CELF2: variants seen among roughly 807,000 people sequenced by gnomAD.
CELF2 encodes CUGBP Elav-like family member 2, also known as CUG triplet repeat RNA-binding protein 2.
A neutral mutation model predicts 62.6 loss-of-function variants in CELF2; 8 were observed. The ratio of observed to expected loss-of-function variants is 0.13; its 90% CI spans 0.07 to 0.23. CELF2 has a LOEUF of 0.23. Ranked by LOEUF, CELF2 falls within the 10% of genes least tolerant of loss-of-function variation. The pLI is 1.00. For missense variants in CELF2, 333 were observed against 671.0 expected (o/e 0.50, Z 5.56); for synonymous variants, 258 against 250.0 (o/e 1.03, Z -0.30).
intron 2 of CELF2, among the ~76,000 whole-genome samples, chr10:10,937,235 G>A (rs1010830824): frequency 4.8e-5 from 7 of 146,458 alleles, no homozygotes; most frequent in Non-Finnish European, 8.9e-5. Flanking sequence ...AGGTTCAAGC[G>A]ATTCTTCTGC....
At chr10:10,825,866 G>A (rs1165623084) in intron 1 of CELF2, among the ~76,000 whole-genome samples, 1 of 152,160 alleles carries the variant, frequency 6.6e-6, no homozygotes, top group Admixed American at 6.5e-5. Context: ...ATTAAAAGAT[G>A]CTTGTGAAGC....
At chr10:11,124,912 G>A (rs1267140571) in intron 1 of CELF2, among the ~76,000 whole-genome samples, 1 of 152,130 alleles carries the variant, frequency 6.6e-6, no homozygotes, top group Non-Finnish European at 1.5e-5. Context: ...TCTTCTTACA[G>A]ACCAGGATGG....
At chr10:10,715,745 A>G in the CELF2 span, among the ~76,000 whole-genome samples, 2 of 152,178 alleles carry the variant, frequency 1.3e-5, no homozygotes, top group Admixed American at 1.3e-4. Flanking sequence ...TCTGCTTGCC[A>G]TATAGGGTTG....
the CELF2 span, among the ~76,000 whole-genome samples, chr10:10,628,242 C>T: frequency 9.2e-5 from 14 of 151,804 alleles, no homozygotes; most frequent in Non-Finnish European, 2.1e-4. Flanking sequence ...AAACAGTAAA[C>T]CCTGAAAGGC....
chr10:11,049,300 T>G (rs922118054), intron 1 of CELF2, among the ~76,000 whole-genome samples: 8 of 152,014 alleles, frequency 5.3e-5, no homozygotes, highest in African/African-American at 1.9e-4. Flanking sequence ...AAATTGACTT[T>G]TAGTAATATT....
chr10:11,320,859 C>A, intron 10 of CELF2: 1 of 1,543,248 alleles, frequency 6.5e-7, no homozygotes, highest in Non-Finnish European at 8.7e-7. Context: ...CTCCTAAGCT[C>A]CCAGAAGCAA....
At position 11,305,311 on chromosome 10, in the gene CELF2, A is replaced by C. The variant is rs2094117804; in HGVS notation, c.977-8828A>C. ...CTTCCTCCACAACTGCTGTATCCCT[A>C]AGTGGCAAAGGCCATTGGCCTCCTT... On this transcript the variant is annotated intron_variant, in intron 9 of 12. Transcript: ENST00000633077. The surrounding 1 kb of genome is among the most constrained non-coding windows in gnomAD (Gnocchi z 4.8). Among the ~76,000 whole-genome samples the C allele has an allele frequency of 6.6e-6, 1 of 152,226 alleles. No homozygotes were observed. The highest frequency in any genetic ancestry group is 2.4e-5 in the African/African-American group (1 of 41,468).
At chr10:11,121,329 G>T (rs925917079) in intron 1 of CELF2, among the ~76,000 whole-genome samples, 2 of 152,180 alleles carry the variant, frequency 1.3e-5, no homozygotes, top group African/African-American at 2.4e-5. Context: ...GTCTTTGTAG[G>T]TCTGGACTGT....
the CELF2 span, among the ~76,000 whole-genome samples, chr10:10,572,078 C>T: frequency 6.6e-6 from 1 of 152,120 alleles, no homozygotes; most frequent in East Asian, 1.9e-4. Flanking sequence ...TTCTGTTTTA[C>T]ACCTAATTAA....
rs544849176 is a variant in CELF2, at chr10:11,216,916, T to C, written c.272-509T>C. On this transcript the variant is annotated intron_variant, in intron 2 of 12. Coordinates refer to ENST00000633077, the MANE Select transcript of CELF2 (RefSeq NM_001326342.2). ...AGGGTCATATGTACAGAACTTTACA[T>C]CATGTAATGTGGTGGAGATAAAGAA... Among the ~76,000 whole-genome samples, 21 of 152,340 alleles carry C rather than the reference T, an allele frequency of 1.4e-4. 1 individual carries two copies. The highest frequency in any genetic ancestry group is 1.4e-3 in the Admixed American group (21 of 15,310).
rs1554936316 is a variant in CELF2 at position 11,197,025 on chromosome 10, A to AAGG, written c.272-20399_272-20398insGGA. Among the ~76,000 whole-genome samples, 8 of 26,122 alleles carry AAGG rather than the reference A, an allele frequency of 3.1e-4. 1 individual carries two copies. Among genetic ancestry groups the AAGG allele is most frequent in the African/African-American group, 5.3e-4 (3 of 5,636 alleles). The allele number at this position is 26,122 out of a possible 152,430, so 17.1% of individuals were successfully genotyped here. On this transcript the variant is annotated intron_variant, in intron 2 of 12. Coordinates refer to ENST00000633077, the MANE Select transcript of CELF2 (RefSeq NM_001326342.2). ...AGGAGAAAGAAAGAAAGAAAGAAAG[A>AAGG]AAAGAAAGAAAGAAAGAAAGAAAGA...
the CELF2 span, among the ~76,000 whole-genome samples, chr10:10,776,842 T>C: frequency 2.6e-5 from 4 of 152,344 alleles, no homozygotes; most frequent in South Asian, 2.1e-4. Flanking sequence ...ATTTTCCCCA[T>C]TGGCCAGCGG....
At chr10:11,057,259 G>A (rs955171244) in intron 1 of CELF2, among the ~76,000 whole-genome samples, 2 of 149,646 alleles carry the variant, frequency 1.3e-5, no homozygotes, top group South Asian at 2.2e-4. Flanking sequence ...CTGTGAGAGC[G>A]ATGCCTGGGC....
intron 1 of CELF2, among the ~76,000 whole-genome samples, chr10:10,903,232 A>G (rs1404748935): frequency 6.6e-6 from 1 of 152,190 alleles, no homozygotes; most frequent in East Asian, 1.9e-4. Context: ...TGTCCCTGCA[A>G]TATTTGTGGG....
the CELF2 span, among the ~76,000 whole-genome samples, chr10:10,757,425 T>A: frequency 6.6e-6 from 1 of 152,188 alleles, no homozygotes; most frequent in Non-Finnish European, 1.5e-5. Flanking sequence ...ACCATTGCAC[T>A]GTCTCTGTCT....
chr10:11,182,284 A>G lies in CELF2; in HGVS notation c.271+16602A>G, dbSNP rs78668524. Among the ~76,000 whole-genome samples, 297 of 152,332 alleles carry G rather than the reference A, an allele frequency of 1.9e-3. 7 individuals carry two copies. The East Asian group carries it at 0.033, about 17-fold the overall frequency. ...GGGCAGCAAACAGAAATGACTTCAT[A>G]GGTCCTATCCCTCTCTACTTTCCTA... On this transcript the variant is annotated intron_variant, in intron 2 of 12. Coordinates refer to ENST00000633077, the MANE Select transcript of CELF2 (RefSeq NM_001326342.2).
At chr10:11,320,169 A>C (rs533330497) in intron 10 of CELF2, among the ~76,000 whole-genome samples, 1 of 152,336 alleles carries the variant, frequency 6.6e-6, no homozygotes, top group African/African-American at 2.4e-5. Flanking sequence ...AGTTGATATG[A>C]AAGTTAGCAC....
chr10:10,778,087 T>C, the CELF2 span, among the ~76,000 whole-genome samples: 14 of 152,188 alleles, frequency 9.2e-5, no homozygotes, highest in South Asian at 2.1e-4. Context: ...CACCCCATAT[T>C]TTGGAAAGAG....
At chr10:11,149,858 G>C (rs2062995287) in intron 1 of CELF2, among the ~76,000 whole-genome samples, 1 of 152,154 alleles carries the variant, frequency 6.6e-6, no homozygotes, top group Admixed American at 6.5e-5. Context: ...GAAATATACT[G>C]TCTTCAGGTA....
Sources: allele counts gnomAD v4.1 joint callset (sites outside exome capture counted in the v4.1 genomes callset), GRCh38; gene constraint gnomAD v4.1.1; non-coding constraint Gnocchi (gnomAD v3.1); transcripts MANE v1.5; gene names NCBI Gene and HGNC (gene_info 2026-07-23, HGNC 2026-07-21).